The following CSMD1 variants were observed in gnomAD, a reference collection of about 807,000 sequenced individuals.
CSMD1 encodes CUB and sushi domain-containing protein 1.
A neutral mutation model predicts 417.5 loss-of-function variants in CSMD1; 213 were observed. The ratio of observed to expected loss-of-function variants is 0.51; its 90% CI spans 0.46 to 0.57. The LOEUF (loss-of-function observed/expected upper bound fraction) is 0.57. CSMD1 is among the 20% of genes least tolerant of loss of function. The pLI is 0.00. For missense variants in CSMD1, 6,923 were observed against 4,529.7 expected (o/e 1.53, Z -15.17); for synonymous variants, 2,862 against 1,736.8 (o/e 1.65, Z -16.11).
chr8:3,296,630 T>C (rs1221546978), intron 25 of CSMD1, among the ~76,000 whole-genome samples: 1 of 152,106 alleles, frequency 6.6e-6, no homozygotes, highest in East Asian at 1.9e-4. Flanking sequence ...GCGTATGTGC[T>C]GAGATGAGCT....
chr8:3,255,650 C>T (rs539024559), intron 26 of CSMD1, among the ~76,000 whole-genome samples: 18 of 152,302 alleles, frequency 1.2e-4, no homozygotes, highest in East Asian at 9.7e-4. Flanking sequence ...GCTCTGTGGG[C>T]GTAGGACCCT....
chr8:3,360,868 T>TA (rs951798985), intron 20 of CSMD1, among the ~76,000 whole-genome samples: 4 of 148,758 alleles, frequency 2.7e-5, no homozygotes, highest in African/African-American at 4.9e-5. Flanking sequence ...TTTTTTTTTT[T>TA]AGTTTAGTTT....
rs114004510 is a variant in CSMD1 at position 3,938,696 on chromosome 8, T to A, written c.818+59207A>T. ...ATTACTTTGAATGGCAGGAGTTGACTCTACAACAATTATAGACCCAAACAT... is the reference window on the plus strand; with the variant it reads ...ATTACTTTGAATGGCAGGAGTTGACACTACAACAATTATAGACCCAAACAT... On this transcript the variant is annotated intron_variant, in intron 5 of 69. Coordinates refer to ENST00000635120, the MANE Select transcript of CSMD1 (RefSeq NM_033225.6). Among the ~76,000 whole-genome samples, 117 of 152,334 alleles carry A rather than the reference T, an allele frequency of 7.7e-4. 1 individual carries two copies. The highest frequency in any genetic ancestry group is 2.7e-3 in the African/African-American group (113 of 41,594).
At chr8:4,783,976 G>A (rs1054259328) in intron 1 of CSMD1, among the ~76,000 whole-genome samples, 2 of 152,186 alleles carry the variant, frequency 1.3e-5, no homozygotes, top group Non-Finnish European at 2.9e-5. Context: ...GATTGGATGA[G>A]GTGCATGGCT....
At chr8:4,797,978 C>G (rs1241708787) in intron 1 of CSMD1, among the ~76,000 whole-genome samples, 1 of 152,178 alleles carries the variant, frequency 6.6e-6, no homozygotes, top group Middle Eastern at 3.2e-3. Context: ...CCAAATGCAT[C>G]TATGCAAAAT....
chr8:4,957,738 C>T (rs1809213923), intron 1 of CSMD1, among the ~76,000 whole-genome samples: 3 of 152,076 alleles, frequency 2.0e-5, no homozygotes, highest in African/African-American at 2.4e-5. Flanking sequence ...TCCCATTCCC[C>T]TTCTCTATAA....
At chr8:2,950,444 T>TCTC in intron 66 of CSMD1, 101 bp from the exon 67 acceptor site, 2 of 713,192 alleles carry the variant, frequency 2.8e-6, no homozygotes, top group South Asian at 1.7e-5. Context: ...GATAATATCA[T>TCTC]CGATAATAGA....
chr8:3,860,777 T>G (rs1339265148), intron 5 of CSMD1, among the ~76,000 whole-genome samples: 3 of 152,192 alleles, frequency 2.0e-5, no homozygotes, highest in Non-Finnish European at 4.4e-5. Context: ...AGAGTAGAGC[T>G]GTTTTACTCT....
At chr8:3,071,760 C>G (rs772653098) in intron 49 of CSMD1, among the ~76,000 whole-genome samples, 12 of 152,190 alleles carry the variant, frequency 7.9e-5, no homozygotes, top group Non-Finnish European at 1.6e-4. Context: ...AGCCTAAATG[C>G]AGACAGTCCA....
chr8:4,309,018 G>C (rs1328645253), intron 3 of CSMD1, among the ~76,000 whole-genome samples: 3 of 152,012 alleles, frequency 2.0e-5, no homozygotes, highest in Non-Finnish European at 2.9e-5. Context: ...ATGCATAACA[G>C]CAAATGATTA....
intron 5 of CSMD1, among the ~76,000 whole-genome samples, chr8:3,805,276 C>A (rs926285088): frequency 6.6e-6 from 1 of 152,134 alleles, no homozygotes; most frequent in Admixed American, 6.5e-5. Flanking sequence ...GCATCAGCAT[C>A]GCAGAGGAAG....
chr8:3,101,760 T>C (rs965426883), intron 46 of CSMD1, among the ~76,000 whole-genome samples: 2 of 151,812 alleles, frequency 1.3e-5, no homozygotes. Flanking sequence ...ACTCTCCTTG[T>C]TTCCCTAAAA....
intron 5 of CSMD1, among the ~76,000 whole-genome samples, chr8:3,829,086 A>G (rs544600799): frequency 2.6e-5 from 4 of 152,002 alleles, no homozygotes; most frequent in African/African-American, 9.7e-5. Flanking sequence ...TTACATGAGC[A>G]AGTTCTTTAG....
intron 1 of CSMD1, among the ~76,000 whole-genome samples, chr8:4,837,387 G>C (rs988534707): frequency 6.6e-6 from 1 of 152,170 alleles, no homozygotes; most frequent in Non-Finnish European, 1.5e-5. Flanking sequence ...GTGGTACATA[G>C]ACACCATGGA....
At chr8:3,647,570 G>A (rs113843728) in intron 7 of CSMD1, among the ~76,000 whole-genome samples, 20 of 151,996 alleles carry the variant, frequency 1.3e-4, no homozygotes, top group Admixed American at 8.5e-4. Flanking sequence ...AGAGAAATAC[G>A]GCATAAAGAA....
In CSMD1 at chr8:3,929,737, C is replaced by T. The variant is rs35716552; in HGVS notation, c.818+68166G>A. Among the ~76,000 whole-genome samples, 567 of 149,992 alleles carry T rather than the reference C, an allele frequency of 3.8e-3. 28 individuals carry two copies. Among genetic ancestry groups the T allele is most frequent in the Non-Finnish European group, 5.5e-3 (369 of 67,394 alleles). On this transcript the variant is annotated intron_variant, in intron 5 of 69. Transcript: ENST00000635120. ...AGTGCATTGGCACAATCTCGGCTCACTGCAACCTCAGCCTCCTGGATACAA... is the reference window on the plus strand; with the variant it reads ...AGTGCATTGGCACAATCTCGGCTCATTGCAACCTCAGCCTCCTGGATACAA...
At chr8:3,148,249 G>A (rs1325257721) in intron 40 of CSMD1, among the ~76,000 whole-genome samples, 1 of 152,192 alleles carries the variant, frequency 6.6e-6, no homozygotes, top group Non-Finnish European at 1.5e-5. Flanking sequence ...CTTCTGGAGT[G>A]AGTGCTTCAT....
At chr8:4,067,142 C>A (rs930184757) in intron 3 of CSMD1, among the ~76,000 whole-genome samples, 1 of 152,178 alleles carries the variant, frequency 6.6e-6, no homozygotes, top group Non-Finnish European at 1.5e-5. Context: ...TCATGCAAAA[C>A]CAAAGGGAAA....
intron 2 of CSMD1, among the ~76,000 whole-genome samples, chr8:4,554,219 C>A (rs1017866292): frequency 6.6e-6 from 1 of 152,134 alleles, no homozygotes; most frequent in Admixed American, 6.5e-5. Context: ...TCACTGCAAC[C>A]TATGCTTCCC....
Sources: allele counts gnomAD v4.1 joint callset (sites outside exome capture counted in the v4.1 genomes callset), GRCh38; gene constraint gnomAD v4.1.1; transcripts MANE v1.5; gene names NCBI Gene and HGNC (gene_info 2026-07-23, HGNC 2026-07-21).